Variants in GNA14 observed in about 807,000 individuals in gnomAD.
GNA14 encodes G protein subunit alpha 14, also known as guanine nucleotide-binding protein subunit alpha-14.
In GNA14, 50 loss-of-function variants were observed where a neutral mutation model predicts 42.0. That is an observed-to-expected ratio of 1.19 (90% confidence interval 0.95 to 1.51). The LOEUF (loss-of-function observed/expected upper bound fraction) is 1.51. Among genes scored for constraint, GNA14 ranks in the 40% most tolerant of loss-of-function variants. GNA14 has a pLI of 0.00. For synonymous variants in GNA14, 173 were observed against 163.1 expected (o/e 1.06, Z -0.46); for missense variants, 473 against 446.2 (o/e 1.06, Z -0.54).
chr9:77,574,374 T>C (rs1219653181), intron 1 of GNA14, among the ~76,000 whole-genome samples: 3 of 152,230 alleles, frequency 2.0e-5, no homozygotes, highest in African/African-American at 7.2e-5. Context: ...TAATTTCAAA[T>C]GCAATCAAGA....
At chr9:77,443,712 G>GTT (rs147146327) in intron 2 of GNA14, among the ~76,000 whole-genome samples, 5,208 of 152,286 alleles carry the variant, frequency 0.034, 128 homozygotes, top group East Asian at 0.14. Context: ...GCTGGGCACT[G>GTT]TAATTAATCC....
chr9:77,428,084 T>C (rs1835481316), intron 5 of GNA14, among the ~76,000 whole-genome samples: 1 of 120,540 alleles, frequency 8.3e-6, no homozygotes, highest in Non-Finnish European at 1.8e-5. Flanking sequence ...TTTTTTTTTC[T>C]TTTTTTTTTT....
chr9:77,532,315 G>A (rs931204625), intron 1 of GNA14, among the ~76,000 whole-genome samples: 3 of 152,094 alleles, frequency 2.0e-5, no homozygotes, highest in Middle Eastern at 3.2e-3. Context: ...CTCATCCATC[G>A]CTCCCATCAG....
intron 4 of GNA14, among the ~76,000 whole-genome samples, chr9:77,430,768 A>C (rs561306100): frequency 6.6e-6 from 1 of 152,340 alleles, no homozygotes; most frequent in South Asian, 2.1e-4. Context: ...TTTTACCATA[A>C]CTAAATGCAG....
intron 1 of GNA14, among the ~76,000 whole-genome samples, chr9:77,574,797 GC>G (rs1823104900): frequency 6.6e-6 from 1 of 152,112 alleles, no homozygotes; most frequent in Non-Finnish European, 1.5e-5. Flanking sequence ...GTGACATGTG[GC>G]CTCCAACATT....
At chr9:77,619,480 T>G (rs1758758743) in intron 1 of GNA14, among the ~76,000 whole-genome samples, 1 of 152,012 alleles carries the variant, frequency 6.6e-6, no homozygotes, top group African/African-American at 2.4e-5. Context: ...GGATTACAGG[T>G]ATGAGCCACC....
At chr9:77,483,138 T>C (rs986696875) in intron 2 of GNA14, among the ~76,000 whole-genome samples, 2 of 152,222 alleles carry the variant, frequency 1.3e-5, no homozygotes, top group Non-Finnish European at 2.9e-5. Flanking sequence ...CTCTGCTTTT[T>C]AGAGTTTCCA....
intron 2 of GNA14, among the ~76,000 whole-genome samples, chr9:77,492,965 C>T (rs1239925987): frequency 7.1e-6 from 1 of 140,592 alleles, no homozygotes; most frequent in Non-Finnish European, 1.5e-5. Flanking sequence ...CATGCCACTG[C>T]ACTCCAGCCT....
intron 1 of GNA14, among the ~76,000 whole-genome samples, chr9:77,623,236 A>AT (rs1564069131): frequency 2.2e-4 from 29 of 129,830 alleles, no homozygotes; most frequent in African/African-American, 1.1e-3. Context: ...AAAAAAAAAA[A>AT]AAAAAAAAAA....
chr9:77,643,296 A>G (rs1041605088), intron 1 of GNA14, among the ~76,000 whole-genome samples: 1 of 150,606 alleles, frequency 6.6e-6, no homozygotes, highest in East Asian at 2.0e-4. Flanking sequence ...CTGGAGTGCA[A>G]TGGTGCTATC....
rs567408611 is a variant in GNA14, at chr9:77,464,296, C to T, written c.310-29774G>A. 1.7e-3 allele frequency among the ~76,000 whole-genome samples: 264 copies of T among 151,766 alleles called. 1 individual carries two copies. Among genetic ancestry groups the T allele is most frequent in the African/African-American group, 6.1e-3 (253 of 41,306 alleles). On this transcript the variant is annotated intron_variant, in intron 2 of 6. Transcript: ENST00000341700. ...GATTACAGGCATGAGCCACCATGCC[C>T]GGCCATGTGTGTATGTGAGAGTGTG...
chr9:77,423,902 G>T lies in GNA14; in HGVS notation c.*77C>A. ...CTGGCATGGGGCTGGCTCTGGTGAT[G>T]TCAGAAGCACTTGCAAATAAAACAA... On this transcript the variant is annotated 3_prime_UTR_variant, in exon 7 of 7. Transcript: ENST00000341700. 1 of 1,076,900 alleles carries T rather than the reference G, an allele frequency of 9.3e-7. No homozygotes were observed. Among genetic ancestry groups the T allele is most frequent in the Non-Finnish European group, 1.4e-6 (1 of 740,724 alleles). The allele number at this position is 1,076,900 out of a possible 1,614,324, so 66.7% of individuals were successfully genotyped here.
chr9:77,496,053 T>C (rs1381250015), intron 2 of GNA14, among the ~76,000 whole-genome samples: 1 of 152,196 alleles, frequency 6.6e-6, no homozygotes, highest in Non-Finnish European at 1.5e-5. Flanking sequence ...AGTTCCACAC[T>C]GGGAGATGCA....
intron 2 of GNA14, among the ~76,000 whole-genome samples, chr9:77,486,163 G>A (rs565673932): frequency 1.4e-4 from 22 of 152,318 alleles, no homozygotes; most frequent in Admixed American, 5.2e-4. Context: ...ATCTTAGCTA[G>A]ATATTTTGGA....
intron 1 of GNA14, among the ~76,000 whole-genome samples, chr9:77,579,920 C>A (rs1823190290): frequency 6.6e-6 from 1 of 152,198 alleles, no homozygotes; most frequent in African/African-American, 2.4e-5. Context: ...ACACTTGAAT[C>A]TAGTCATTTA....
intron 1 of GNA14, among the ~76,000 whole-genome samples, chr9:77,554,975 T>C (rs1564052605): frequency 1.3e-5 from 2 of 152,228 alleles, no homozygotes; most frequent in Non-Finnish European, 2.9e-5. Flanking sequence ...GAAAGTTCCA[T>C]GCATTGCCGT....
intron 1 of GNA14, among the ~76,000 whole-genome samples, chr9:77,550,316 G>T (rs73651535): frequency 6.6e-6 from 1 of 152,126 alleles, no homozygotes; most frequent in South Asian, 2.1e-4. Flanking sequence ...ATCTCACTTC[G>T]ATTTGTTTGC....
intron 1 of GNA14, among the ~76,000 whole-genome samples, chr9:77,535,113 G>A (rs764260453): frequency 2.6e-5 from 4 of 152,232 alleles, no homozygotes; most frequent in Non-Finnish European, 5.9e-5. Context: ...GGCCTGCCCA[G>A]AGGACGGTGC....
intron 1 of GNA14, among the ~76,000 whole-genome samples, chr9:77,605,474 G>A (rs576021185): frequency 5.3e-5 from 8 of 152,242 alleles, no homozygotes; most frequent in African/African-American, 1.9e-4. Flanking sequence ...CCCCCAAACA[G>A]GTCATACAAC....
Sources: allele counts gnomAD v4.1 joint callset (sites outside exome capture counted in the v4.1 genomes callset), GRCh38; gene constraint gnomAD v4.1.1; transcripts MANE v1.5; gene names NCBI Gene and HGNC (gene_info 2026-07-23, HGNC 2026-07-21).